Variants in KCNT2 observed in about 807,000 individuals in gnomAD.
KCNT2 encodes potassium sodium-activated channel subfamily T member 2.
KCNT2 carries 67 observed loss-of-function variants against 153.8 expected under a neutral mutation model. The ratio of observed to expected loss-of-function variants is 0.44; its 90% CI spans 0.36 to 0.53. KCNT2 has a LOEUF of 0.53. KCNT2 is among the 20% of genes least tolerant of loss of function. The probability of loss-of-function intolerance (pLI) is 0.00; values close to 1 mark genes in which losing one functional copy is unlikely to be tolerated. For missense variants in KCNT2, 975 were observed against 1,354.8 expected, an observed-to-expected ratio of 0.72 and a Z score of 4.40; for synonymous variants, 500 against 458.8, an observed-to-expected ratio of 1.09 and a Z score of -1.15.
At chr1:196,316,165 A>T (rs1194748648) in intron 20 of KCNT2, 139 bp from the exon 21 acceptor site, 1 of 477,578 alleles carries the variant, frequency 2.1e-6, no homozygotes, top group African/African-American at 2.0e-5. Context: ...ACAGGTAGCT[A>T]TTAAAGGGAA....
At chr1:196,460,713 C>CT (rs1677073182) in intron 8 of KCNT2, among the ~76,000 whole-genome samples, 1 of 151,570 alleles carries the variant, frequency 6.6e-6, no homozygotes, top group African/African-American at 2.4e-5. Context: ...AAAGTTGAGA[C>CT]TTGAATGATG....
chr1:196,324,611 T>C (rs1337822781), intron 19 of KCNT2, among the ~76,000 whole-genome samples: 1 of 152,110 alleles, frequency 6.6e-6, no homozygotes, highest in Non-Finnish European at 1.5e-5. Flanking sequence ...TGTAGTATGA[T>C]GACTGACATG....
In KCNT2 at chr1:196,340,553, A is replaced by G. The variant is rs755877344; in HGVS notation, c.1571T>C (p.Ile524Thr). 11 of 1,568,532 alleles carry G rather than the reference A, an allele frequency of 7.0e-6. No homozygotes were observed. The South Asian group carries it at 9.7e-5, about 14-fold the overall frequency. Residue 524 changes from isoleucine (I) to threonine (T), a missense_variant, in exon 16 of 28, where the codon ATT becomes ACT. Ile to Thr is a moderately conservative substitution (Grantham distance 89). Around this residue, in one of 6 missense-constraint regions of KCNT2, gnomAD observed 325 missense variants for 388.1 expected, o/e 0.84. Transcript: ENST00000294725. ...TTTATTATCCTCCCTCCTAACACCAATCAAGCAGACGCCAAACCTTAATTT... is the reference window on the plus strand; with the variant it reads ...TTTATTATCCTCCCTCCTAACACCAGTCAAGCAGACGCCAAACCTTAATTT... ...HAHKKFGVCL[I>T]GVRREDNKNI...
At chr1:196,537,987 T>C (rs879921822) in intron 1 of KCNT2, among the ~76,000 whole-genome samples, 2 of 152,154 alleles carry the variant, frequency 1.3e-5, no homozygotes, top group Admixed American at 1.3e-4. Flanking sequence ...AAGGTCCCCA[T>C]TCATGGCAGC....
chr1:196,414,866 A>G (rs1015621016), intron 12 of KCNT2, among the ~76,000 whole-genome samples: 3 of 151,880 alleles, frequency 2.0e-5, no homozygotes, highest in Non-Finnish European at 4.4e-5. Context: ...ACATACCATG[A>G]TTCCAGGTCT....
In KCNT2 at chr1:196,608,335, AAAC is replaced by A. The variant is rs1487526077; in HGVS notation, c.-29_-27del. On this transcript the variant is annotated 5_prime_UTR_variant, in exon 1 of 28. Coordinates refer to ENST00000294725, the MANE Select transcript of KCNT2 (RefSeq NM_198503.5). ...CCTTCCTCAAAGAGTGGGAAACATC[AAAC>A]AACAAATGGAGGAGAGGAGGGAGAA... is the stretch of plus-strand genomic sequence containing the variant. 6 of 1,569,108 alleles carry A rather than the reference AAAC, an allele frequency of 3.8e-6. No homozygotes were observed. The highest frequency in any genetic ancestry group is 5.3e-6 in the Non-Finnish European group (6 of 1,139,114).
At chr1:196,413,871 T>C (rs1672538742) in intron 12 of KCNT2, among the ~76,000 whole-genome samples, 1 of 151,660 alleles carries the variant, frequency 6.6e-6, no homozygotes, top group South Asian at 2.1e-4. Context: ...TTTAATGTTA[T>C]TCAGAAATGC....
At chr1:196,458,059 G>A (rs1676834658) in intron 8 of KCNT2, among the ~76,000 whole-genome samples, 1 of 151,762 alleles carries the variant, frequency 6.6e-6, no homozygotes, top group South Asian at 2.1e-4. Context: ...TTTCATCTCA[G>A]CCCCAACCTG....
intron 1 of KCNT2, among the ~76,000 whole-genome samples, chr1:196,569,796 T>G (rs912304616): frequency 1.3e-5 from 2 of 151,962 alleles, no homozygotes; most frequent in Non-Finnish European, 2.9e-5. Context: ...GCAACTGGGG[T>G]TTATGTTCGC....
intron 12 of KCNT2, among the ~76,000 whole-genome samples, chr1:196,415,232 T>C (rs937480719): frequency 6.6e-6 from 1 of 151,790 alleles, no homozygotes; most frequent in Non-Finnish European, 1.5e-5. Flanking sequence ...TTTTGGGGAA[T>C]CAAAGAGCAA....
chr1:196,324,729 T>A (rs933440681), intron 19 of KCNT2, among the ~76,000 whole-genome samples: 2 of 152,054 alleles, frequency 1.3e-5, no homozygotes, highest in African/African-American at 4.8e-5. Flanking sequence ...AAAAGCCACA[T>A]CTATATTTAT....
At chr1:196,396,143 T>C (rs945044928) in intron 13 of KCNT2, among the ~76,000 whole-genome samples, 6 of 151,568 alleles carry the variant, frequency 4.0e-5, no homozygotes, top group African/African-American at 1.5e-4. Flanking sequence ...GGTGCTGGTA[T>C]GGATGAGCCT....
intron 14 of KCNT2, among the ~76,000 whole-genome samples, chr1:196,345,991 G>T (rs1021498752): frequency 3.3e-5 from 5 of 152,094 alleles, no homozygotes; most frequent in Non-Finnish European, 5.9e-5. Flanking sequence ...ATGTCAAACA[G>T]ACATAGTGTA....
chr1:196,408,937 A>G (rs1672058612), intron 12 of KCNT2, among the ~76,000 whole-genome samples: 1 of 151,528 alleles, frequency 6.6e-6, no homozygotes. Flanking sequence ...GCATTTTTAT[A>G]CAGATTGCTA....
At chr1:196,434,580 T>C (rs1464488793) in intron 8 of KCNT2, among the ~76,000 whole-genome samples, 1 of 151,934 alleles carries the variant, frequency 6.6e-6, no homozygotes. Flanking sequence ...CTCTATAACC[T>C]GTAGTTTGAT....
chr1:196,550,612 C>G (rs952741803), intron 1 of KCNT2, among the ~76,000 whole-genome samples: 6 of 151,812 alleles, frequency 4.0e-5, no homozygotes, highest in Middle Eastern at 6.8e-3. Context: ...TTTATTTTAT[C>G]CATGTACAAA....
chr1:196,431,564 G>A (rs374644516), intron 8 of KCNT2, among the ~76,000 whole-genome samples: 3 of 152,044 alleles, frequency 2.0e-5, no homozygotes, highest in East Asian at 3.9e-4. Context: ...GGAGGAAAAG[G>A]CATCCTTATT....
intron 13 of KCNT2, among the ~76,000 whole-genome samples, chr1:196,375,328 GTA>G (rs1419389489): frequency 6.6e-6 from 1 of 151,732 alleles, no homozygotes; most frequent in Non-Finnish European, 1.5e-5. Flanking sequence ...TCAACAATAA[GTA>G]TATGTACTAC....
chr1:196,588,447 C>T (rs1010345749), intron 1 of KCNT2, among the ~76,000 whole-genome samples: 1 of 152,030 alleles, frequency 6.6e-6, no homozygotes, highest in African/African-American at 2.4e-5. Context: ...AATCTGTTTC[C>T]TTTACTTTCC....
Sources: gnomAD v4.1 joint callset for allele counts (sites outside exome capture counted in the v4.1 genomes callset) on GRCh38, gnomAD v4.1.1 for gene constraint, gnomAD v4.1.1 regional missense constraint, MANE v1.5 for transcripts, NCBI Gene and HGNC (gene_info 2026-07-23, HGNC 2026-07-21) for gene names.